ANK3: variants seen among roughly 807,000 people sequenced by gnomAD.
ANK3 encodes the protein ankyrin-3.
Under a neutral mutation model 370.9 loss-of-function variants are expected in ANK3, and 57 were observed. That is an observed-to-expected ratio of 0.15 (90% CI 0.12 to 0.19). The LOEUF (loss-of-function observed/expected upper bound fraction) is 0.19. Ranked by LOEUF, ANK3 falls within the 10% of genes least tolerant of loss-of-function variation. ANK3 has a pLI of 1.00. For missense variants in ANK3, 4,439 were observed against 5,302.1 expected (o/e 0.84, Z 5.06); for synonymous variants, 1,929 against 1,946.3 (o/e 0.99, Z 0.23).
intron 1 of ANK3, among the ~76,000 whole-genome samples, chr10:60,728,484 T>C (rs2079974279): frequency 6.6e-6 from 1 of 152,206 alleles, no homozygotes; most frequent in Non-Finnish European, 1.5e-5. Context: ...TATTCTAACA[T>C]TAGGAATTCC....
chr10:60,633,052 G>A (rs1216129496), intron 1 of ANK3, among the ~76,000 whole-genome samples: 1 of 151,954 alleles, frequency 6.6e-6, no homozygotes. Context: ...TCTATACTTA[G>A]CTCCAATTTG....
At chr10:60,044,233 C>T (rs975572301) in intron 42 of ANK3, 1 of 984,348 alleles carries the variant, frequency 1.0e-6, no homozygotes, top group Non-Finnish European at 1.2e-6. Context: ...ATCTAAATTC[C>T]AAGAGAAGCA....
At chr10:60,483,067 T>C (rs183202228) in intron 2 of ANK3, among the ~76,000 whole-genome samples, 6 of 152,340 alleles carry the variant, frequency 3.9e-5, no homozygotes, top group Admixed American at 3.3e-4. Flanking sequence ...TCTTGTTTAA[T>C]CCTTGTAACA....
chr10:60,378,054 C>T (rs1011270665), intron 1 of ANK3, among the ~76,000 whole-genome samples: 2 of 152,134 alleles, frequency 1.3e-5, no homozygotes, highest in African/African-American at 2.4e-5. Context: ...AAGCCCCCTC[C>T]TCAAATTCAA....
At position 60,179,681 on chromosome 10, in the gene ANK3, G is replaced by A. The variant is rs556319991; in HGVS notation, c.2184+1648C>T. 2.7e-3 allele frequency among the ~76,000 whole-genome samples: 358 copies of A among 130,910 alleles called. 4 individuals are homozygous for A. The highest frequency in any genetic ancestry group is 0.011 in the African/African-American group (340 of 31,486). The allele number at this position is 130,910 out of a possible 152,430, so 85.9% of individuals were successfully genotyped here. A position where few individuals can be genotyped will look rare whatever the true frequency, so the allele number is the denominator to read the frequency against. On this transcript the variant is annotated intron_variant, in intron 18 of 43. Coordinates refer to ENST00000280772, the MANE Select transcript of ANK3 (RefSeq NM_020987.5). Reference sequence around the variant, plus strand: ...GAGTGACAGAGTGAGACTCCCTCTTGGAGGAAAAAAAAAAAAAAAGACTAC... The same window carrying A: ...GAGTGACAGAGTGAGACTCCCTCTTAGAGGAAAAAAAAAAAAAAAGACTAC...
At chr10:60,048,789 T>TTAGGTTC (rs907362386) in intron 42 of ANK3, among the ~76,000 whole-genome samples, 12 of 152,206 alleles carry the variant, frequency 7.9e-5, no homozygotes, top group African/African-American at 1.2e-4. Flanking sequence ...GGGCTAGGGA[T>TTAGGTTC]TAGGTTCTAG....
At chr10:60,263,630 A>G (rs1051225077) in intron 6 of ANK3, among the ~76,000 whole-genome samples, 7 of 152,180 alleles carry the variant, frequency 4.6e-5, no homozygotes, top group Non-Finnish European at 8.8e-5. Flanking sequence ...TTTAGCACGC[A>G]TAGGGCCGCA....
At chr10:60,383,449 T>C (rs927808227) in intron 1 of ANK3, among the ~76,000 whole-genome samples, 2 of 152,164 alleles carry the variant, frequency 1.3e-5, no homozygotes, top group South Asian at 2.1e-4. Flanking sequence ...AGCTAATTGA[T>C]AGTGCCAGAA....
At chr10:60,531,759 C>T (rs1478796213) in intron 2 of ANK3, among the ~76,000 whole-genome samples, 6 of 152,144 alleles carry the variant, frequency 3.9e-5, no homozygotes, top group East Asian at 3.9e-4. Flanking sequence ...CTCAGAAGTT[C>T]GTATTGCAGT....
intron 2 of ANK3, among the ~76,000 whole-genome samples, chr10:60,480,345 T>C (rs1409226890): frequency 6.6e-6 from 1 of 151,856 alleles, no homozygotes; most frequent in African/African-American, 2.4e-5. Context: ...ACGGAAAAAA[T>C]ATCTTGAAGG....
chr10:60,378,785 G>C (rs2061154078), intron 1 of ANK3, among the ~76,000 whole-genome samples: 1 of 151,860 alleles, frequency 6.6e-6, no homozygotes. Flanking sequence ...TAGGACATTG[G>C]TTTGAGAAAA....
intron 1 of ANK3, chr10:60,685,262 A>T (rs2079252648): frequency 3.9e-6 from 1 of 258,440 alleles, no homozygotes; most frequent in Middle Eastern, 1.5e-3. Context: ...CATGCTTCTT[A>T]AAGTGGTATC....
intron 42 of ANK3, among the ~76,000 whole-genome samples, chr10:60,054,927 T>C (rs1366334661): frequency 6.6e-6 from 1 of 152,160 alleles, no homozygotes. Context: ...ATCATTTCAG[T>C]TTAAAATACT....
chr10:60,674,157 A>T (rs2079096432), intron 1 of ANK3, among the ~76,000 whole-genome samples: 1 of 152,112 alleles, frequency 6.6e-6, no homozygotes, highest in East Asian at 1.9e-4. Context: ...CATTCCAATA[A>T]TTTTTTTTCT....
At chr10:60,669,923 A>T (rs1445835928) in intron 1 of ANK3, among the ~76,000 whole-genome samples, 6 of 152,090 alleles carry the variant, frequency 3.9e-5, no homozygotes, top group Admixed American at 3.3e-4. Context: ...CCTAGGTTCT[A>T]GTGATCCTCC....
At chr10:60,673,167 G>T (rs1314608166) in intron 1 of ANK3, among the ~76,000 whole-genome samples, 2 of 151,658 alleles carry the variant, frequency 1.3e-5, no homozygotes, top group African/African-American at 4.8e-5. Context: ...AACTTCTACT[G>T]TAAACATGTT....
At chr10:60,475,063 T>A (rs2075025381) in intron 2 of ANK3, among the ~76,000 whole-genome samples, 1 of 152,150 alleles carries the variant, frequency 6.6e-6, no homozygotes. Flanking sequence ...ACCATTCACA[T>A]CCAATCAGAA....
chr10:60,626,433 TATA>T (rs1280106852), intron 1 of ANK3, among the ~76,000 whole-genome samples: 3 of 152,144 alleles, frequency 2.0e-5, no homozygotes, highest in African/African-American at 7.2e-5. Context: ...GATAATGAAA[TATA>T]ATAGTATTCA....
intron 23 of ANK3, among the ~76,000 whole-genome samples, chr10:60,160,386 T>C (rs1343980621): frequency 1.3e-5 from 2 of 152,032 alleles, no homozygotes; most frequent in African/African-American, 2.4e-5. Flanking sequence ...AGACTACTAA[T>C]GAATAACAAG....
Sources: allele counts gnomAD v4.1 joint callset (sites outside exome capture counted in the v4.1 genomes callset), GRCh38; gene constraint gnomAD v4.1.1; transcripts MANE v1.5; gene names NCBI Gene and HGNC (gene_info 2026-07-23, HGNC 2026-07-21).